Variants in STAU1 observed in about 807,000 individuals in gnomAD.
STAU1 encodes double-stranded RNA-binding protein Staufen homolog 1.
In STAU1, 13 loss-of-function variants were observed where a neutral mutation model predicts 62.9. That is an observed-to-expected ratio of 0.21 (90% CI 0.13 to 0.33). The LOEUF (loss-of-function observed/expected upper bound fraction) is 0.33, where lower values mean the gene tolerates loss of function less well. Ranked by LOEUF, STAU1 falls within the 10% of genes least tolerant of loss-of-function variation. The pLI is 1.00. For missense variants in STAU1, 571 were observed against 712.1 expected (o/e 0.80, Z 2.25); for synonymous variants, 269 against 265.1 (o/e 1.01, Z -0.14).
At chr20:49,150,455 G>A (rs1053660467) in intron 5 of STAU1, among the ~76,000 whole-genome samples, 2 of 151,694 alleles carry the variant, frequency 1.3e-5, no homozygotes, top group African/African-American at 4.8e-5. Flanking sequence ...TCCGCCTCCC[G>A]GGTTCATGCC....
intron 1 of STAU1, among the ~76,000 whole-genome samples, chr20:49,181,970 T>C (rs1005145984): frequency 1.1e-4 from 16 of 152,252 alleles, no homozygotes; most frequent in East Asian, 3.9e-4. Context: ...TAAACCCACA[T>C]AGTCATCACA....
chr20:49,115,931 G>C, intron 12 of STAU1, 64 bp from the exon 13 acceptor site: 1 of 1,421,708 alleles, frequency 7.0e-7, no homozygotes, highest in Non-Finnish European at 9.9e-7. Context: ...ATAATACACT[G>C]GTCAGGCAGG....
In STAU1 at chr20:49,139,961, G is replaced by A. The variant is rs537363624; in HGVS notation, c.511-4030C>T. ...AGCACTTTGGGAGGCCGAGGCAGGC[G>A]GATCACCTGAGGTCAGGAGTTCGAG... On this transcript the variant is annotated intron_variant, in intron 5 of 13. Transcript: ENST00000371856. Among the ~76,000 whole-genome samples, 18 of 152,052 alleles carry A rather than the reference G, an allele frequency of 1.2e-4. No homozygotes were observed. In the East Asian group the frequency reaches 1.4e-3, roughly 12 times the overall value.
chr20:49,171,676 C>T (rs1388952629), intron 2 of STAU1, among the ~76,000 whole-genome samples: 2 of 152,104 alleles, frequency 1.3e-5, no homozygotes, highest in Non-Finnish European at 2.9e-5. Context: ...CACTCTCCAC[C>T]ATTACTTCTC....
chr20:49,205,603 A>T, the STAU1 span, among the ~76,000 whole-genome samples: 1 of 149,028 alleles, frequency 6.7e-6, no homozygotes, highest in Non-Finnish European at 1.5e-5. Flanking sequence ...TGACCTCGTG[A>T]TCCACCCACC....
intron 8 of STAU1, among the ~76,000 whole-genome samples, chr20:49,121,197 AG>A (rs2092457199): frequency 6.6e-6 from 1 of 151,904 alleles, no homozygotes; most frequent in African/African-American, 2.4e-5. Context: ...ACCTGAGGTC[AG>A]GAGTTCGAGA....
At chr20:49,214,517 C>CAA in the STAU1 span, among the ~76,000 whole-genome samples, 3,952 of 118,854 alleles carry the variant, frequency 0.033, 108 homozygotes, top group South Asian at 0.095. Context: ...GATTCCGTCT[C>CAA]AAAAAAAAAA....
Position 49,123,072 on chromosome 20 carries a change from C to T in STAU1, c.966+20G>A. Reference sequence around the variant, plus strand: ...GGACGTGGTCAGAGGAAGGGGCGCCCATCATCCATGCGGACCCACCTGCAT... The same window carrying T: ...GGACGTGGTCAGAGGAAGGGGCGCCTATCATCCATGCGGACCCACCTGCAT... On this transcript the variant is annotated intron_variant, in intron 8 of 13. Transcript: ENST00000371856. The T allele has an allele frequency of 1.3e-6, 2 of 1,561,468 alleles. No homozygotes were observed. Among genetic ancestry groups the T allele is most frequent in the Middle Eastern group, 2.0e-4 (1 of 4,988 alleles).
At chr20:49,195,149 T>C in the STAU1 span, among the ~76,000 whole-genome samples, 1 of 152,014 alleles carries the variant, frequency 6.6e-6, no homozygotes, top group Admixed American at 6.6e-5. Context: ...TGGAAAAAAT[T>C]TGCATCTCAG....
At chr20:49,120,919 C>T (rs193000319) in intron 8 of STAU1, among the ~76,000 whole-genome samples, 92 of 152,116 alleles carry the variant, frequency 6.0e-4, no homozygotes, top group Admixed American at 4.5e-3. Flanking sequence ...CTCAGCCACC[C>T]GAGTAGCTGG....
At chr20:49,149,400 C>T (rs1473114802) in intron 5 of STAU1, among the ~76,000 whole-genome samples, 1 of 152,014 alleles carries the variant, frequency 6.6e-6, no homozygotes, top group African/African-American at 2.4e-5. Flanking sequence ...CACCCTACAC[C>T]TATTGCATTA....
chr20:49,169,293 A>C (rs1301647118), intron 2 of STAU1, among the ~76,000 whole-genome samples: 1 of 152,160 alleles, frequency 6.6e-6, no homozygotes, highest in Non-Finnish European at 1.5e-5. Context: ...CCTCTCCCAA[A>C]GAGAAGCCGG....
the STAU1 span, among the ~76,000 whole-genome samples, chr20:49,217,110 A>C: frequency 6.6e-6 from 1 of 152,176 alleles, no homozygotes. Context: ...GGCTGGGTAC[A>C]GAAAAGCTGG....
At chr20:49,118,436 G>C in intron 9 of STAU1, 28 bp from the exon 10 acceptor site, 1 of 1,535,274 alleles carries the variant, frequency 6.5e-7, no homozygotes, top group Non-Finnish European at 8.9e-7. Flanking sequence ...AAAAAAAAAG[G>C]CCATGAGCAT....
At chr20:49,175,018 C>T (rs1315017515) in intron 1 of STAU1, among the ~76,000 whole-genome samples, 1 of 151,246 alleles carries the variant, frequency 6.6e-6, no homozygotes, top group African/African-American at 2.4e-5. Flanking sequence ...ATTAGCTGGG[C>T]GTGATGGCAC....
chr20:49,125,405 C>T (rs552831950), intron 6 of STAU1, among the ~76,000 whole-genome samples: 1 of 151,220 alleles, frequency 6.6e-6, no homozygotes, highest in Non-Finnish European at 1.5e-5. Context: ...TGGTGCACAC[C>T]TGTAATCCCA....
intron 5 of STAU1, among the ~76,000 whole-genome samples, chr20:49,146,113 T>A (rs1390428115): frequency 4.0e-5 from 6 of 151,898 alleles, no homozygotes; most frequent in Non-Finnish European, 8.8e-5. Context: ...CTACCAAAGA[T>A]ACAAAAATTA....
chr20:49,124,909 A>G (rs545561869), intron 6 of STAU1, among the ~76,000 whole-genome samples: 4 of 152,104 alleles, frequency 2.6e-5, no homozygotes, highest in Admixed American at 2.0e-4. Flanking sequence ...CTAGCCCAGC[A>G]AAGTCCAGAA....
At chr20:49,169,036 C>T (rs1453659843) in intron 2 of STAU1, among the ~76,000 whole-genome samples, 1 of 151,632 alleles carries the variant, frequency 6.6e-6, no homozygotes, top group Non-Finnish European at 1.5e-5. Flanking sequence ...CTGCAAACTC[C>T]GCCTTCTGGG....
Sources: allele counts gnomAD v4.1 joint callset (sites outside exome capture counted in the v4.1 genomes callset), GRCh38; gene constraint gnomAD v4.1.1; transcripts MANE v1.5; gene names NCBI Gene and HGNC (gene_info 2026-07-23, HGNC 2026-07-21).